COX8C: variants seen among roughly 807,000 people sequenced by gnomAD.
COX8C encodes cytochrome c oxidase subunit 8C, mitochondrial.
Under a neutral mutation model 3.5 loss-of-function variants are expected in COX8C, and 3 were observed. The ratio of observed to expected loss-of-function variants is 0.86; its 90% confidence interval spans 0.39 to 2.24. The LOEUF (loss-of-function observed/expected upper bound fraction) is 2.24, where lower values mean the gene tolerates loss of function less well. COX8C is among the 30% of genes most tolerant of loss of function. The pLI is 0.05. For missense variants in COX8C, 113 were observed against 102.5 expected, an observed-to-expected ratio of 1.10 and a Z score of -0.44; for synonymous variants, 46 against 44.1, an observed-to-expected ratio of 1.04 and a Z score of -0.17.
rs1188361826 is a variant in COX8C, at chr14:93,348,014, ATCT to A, written c.127-10_127-8del. 2.6e-6 allele frequency: 4 copies of A among 1,557,436 alleles called. No individual in the cohort carries two copies. Among genetic ancestry groups the A allele is most frequent in the South Asian group, 1.1e-5 (1 of 89,848 alleles). On this transcript the variant is annotated splice_polypyrimidine_tract_variant and intron_variant, in intron 1 of 1. Coordinates refer to ENST00000342144, the MANE Select transcript of COX8C (RefSeq NM_182971.3). ...GAAGCCATACTCAGCAGCGCGTGTC[ATCT>A]TCTCTTCCAGGAAATGGCTGTTGGA...
chr14:93,347,296 G>T lies in COX8C; in HGVS notation c.28G>T (p.Ala10Ser), dbSNP rs761136486. The T allele has an allele frequency of 3.1e-6, 5 of 1,604,678 alleles. No individual in the cohort carries two copies. The Admixed American group carries it at 8.4e-5, about 27-fold the overall frequency. The change falls in exon 1 of 2, where the codon GCC (alanine) becomes TCC (serine). Residue 10 changes from alanine to serine, a missense_variant. Ala to Ser is a moderately conservative substitution (Grantham distance 99). Coordinates refer to ENST00000342144, the MANE Select transcript of COX8C (RefSeq NM_182971.3). ...GCCTCTCCTGCGTGGGCGCTGTCCTGCCCGCCGCCACTACCGCCGCTTGGC... is the reference window on the plus strand; with the variant it reads ...GCCTCTCCTGCGTGGGCGCTGTCCTTCCCGCCGCCACTACCGCCGCTTGGC... MPLLRGRCP[A>S]RRHYRRLALL... is the part of the protein sequence containing the mutation.
At chr14:93,347,955 G>A in intron 1 of COX8C, 73 bp from the exon 2 acceptor site, 2 of 882,430 alleles carry the variant, frequency 2.3e-6, no homozygotes, top group Non-Finnish European at 3.8e-6. Flanking sequence ...TTTTTTTTAA[G>A]CACTTTTTGT....
chr14:93,347,347 C>G lies in COX8C; in HGVS notation c.79C>G (p.Arg27Gly), dbSNP rs747514899. The G allele has an allele frequency of 6.3e-7, 1 of 1,597,308 alleles. No homozygotes were observed. Among genetic ancestry groups the G allele is most frequent in the South Asian group, 1.1e-5 (1 of 90,446 alleles). ...CCTGCTCGGCCTGCAGCCCGCTCCC[C>G]GCTTCGCCCACTCGGGGCCCCCGCG... ...LALLGLQPAP[R>G]FAHSGPPRQR... Residue 27 changes from arginine (R) to glycine (G), a missense_variant, in exon 1 of 2, where the codon CGC (arginine) becomes GGC (glycine). Transcript: ENST00000342144.
chr14:93,347,944 GT>G lies in COX8C; in HGVS notation c.127-76del, dbSNP rs758579578. The G allele has an allele frequency of 4.5e-5, 37 of 823,008 alleles. No individual in the cohort carries two copies. The East Asian group carries it at 7.1e-4, about 16-fold the overall frequency. 51.0% of individuals were successfully genotyped at this position (823,008 alleles called of 1,614,324 possible). On this transcript the variant is annotated intron_variant, in intron 1 of 1. Coordinates refer to ENST00000342144, the MANE Select transcript of COX8C (RefSeq NM_182971.3). ...GGACAACGGTCTAGGTGCTCAAAAT[GT>G]TTTTTTTAAGCACTTTTTGTTAGGC... is the stretch of plus-strand genomic sequence containing the variant.
At chr14:93,347,995 A>C in intron 1 of COX8C, 33 bp from the exon 2 acceptor site, 1 of 1,340,152 alleles carries the variant, frequency 7.5e-7, no homozygotes, top group Non-Finnish European at 1.1e-6. Flanking sequence ...CTAGGAAGCC[A>C]TACTCAGCAG....
chr14:93,347,202 A>C lies in COX8C; in HGVS notation c.-67A>C. 1 of 1,505,282 alleles carries C rather than the reference A, an allele frequency of 6.6e-7. No homozygotes were observed. The highest frequency in any genetic ancestry group is 1.3e-5 in the South Asian group (1 of 78,658). The allele number at this position is 1,505,282 out of a possible 1,614,324, so 93.2% of individuals were successfully genotyped here. On this transcript the variant is annotated 5_prime_UTR_variant, in exon 1 of 2. Coordinates refer to ENST00000342144, the MANE Select transcript of COX8C (RefSeq NM_182971.3). ...AAACCAGCTGCCTCACGAGCACTGG[A>C]GCTTGCGTTACTTGGCCTCACCTCA... is the stretch of plus-strand genomic sequence containing the variant.
In COX8C at chr14:93,348,011, G is replaced by C. The variant is rs933101217; in HGVS notation, c.127-17G>C. The stretch of plus-strand genomic sequence containing the variant: ...TAGGAAGCCATACTCAGCAGCGCGT[G>C]TCATCTTCTCTTCCAGGAAATGGCT... On this transcript the variant is annotated splice_polypyrimidine_tract_variant and intron_variant, in intron 1 of 1. Coordinates refer to ENST00000342144, the MANE Select transcript of COX8C (RefSeq NM_182971.3). The C allele has an allele frequency of 1.1e-5, 17 of 1,535,478 alleles. No individual in the cohort carries two copies. The highest frequency in any genetic ancestry group is 1.5e-5 in the Non-Finnish European group (17 of 1,108,364).
Position 93,348,028 on chromosome 14 carries a change from G to C in COX8C, c.127G>C (p.Glu43Gln). The change falls in exon 2 of 2, where the codon GAA (glutamate) becomes CAA (glutamine). Residue 43 changes from glutamate (E) to glutamine (Q), a missense_variant and splice_region_variant. Physicochemically the swap from Glu to Gln is conservative, Grantham distance 29. Coordinates refer to ENST00000342144, the MANE Select transcript of COX8C (RefSeq NM_182971.3). ...PPRQRPLSAAEMAVGLVVFFT... is the reference protein window; with the variant it reads ...PPRQRPLSAAQMAVGLVVFFT... ...CAGCGCGTGTCATCTTCTCTTCCAGGAAATGGCTGTTGGACTTGTGGTGTT... is the reference window on the plus strand; with the variant it reads ...CAGCGCGTGTCATCTTCTCTTCCAGCAAATGGCTGTTGGACTTGTGGTGTT... 6.2e-7 allele frequency: 1 copy of C among 1,602,382 alleles called. No homozygotes were observed. The highest frequency in any genetic ancestry group is 2.2e-5 in the East Asian group (1 of 44,808).
intron 1 of COX8C, among the ~76,000 whole-genome samples, chr14:93,347,733 C>A (rs1352128024): frequency 6.6e-6 from 1 of 152,040 alleles, no homozygotes; most frequent in Non-Finnish European, 1.5e-5. Flanking sequence ...CATCCTCGGA[C>A]GTCCTCGGCA....
intron 1 of COX8C, among the ~76,000 whole-genome samples, chr14:93,347,607 G>A (rs902456159): frequency 2.0e-5 from 3 of 152,142 alleles, no homozygotes; most frequent in Non-Finnish European, 2.9e-5. Flanking sequence ...GTCGGGCACA[G>A]GGGCGGAAAG....
intron 1 of COX8C, 49 bp from the exon 2 acceptor site, chr14:93,347,979 A>G (rs921647544): frequency 1.8e-6 from 2 of 1,133,372 alleles, no homozygotes; most frequent in South Asian, 1.2e-5. Flanking sequence ...GCAGCAAGTC[A>G]CTGGCCTAGG....
At position 93,347,926 on chromosome 14, in the gene COX8C, G is replaced by C. The variant is rs963019233; in HGVS notation, c.127-102G>C. 2.5e-5 allele frequency: 18 copies of C among 706,116 alleles called. No homozygotes were observed. The Admixed American group carries it at 2.9e-4, about 11-fold the overall frequency. The allele number at this position is 706,116 out of a possible 1,614,324, so 43.7% of individuals were successfully genotyped here. A position where few individuals can be genotyped will look rare whatever the true frequency, so the allele number is the denominator to read the frequency against. ...ACTAGGCGCCTGTTTCTAGGACAAC[G>C]GTCTAGGTGCTCAAAATGTTTTTTT... On this transcript the variant is annotated intron_variant, in intron 1 of 1. Coordinates refer to ENST00000342144, the MANE Select transcript of COX8C (RefSeq NM_182971.3).
In COX8C at chr14:93,347,321, C is replaced by A. The variant is rs766317592; in HGVS notation, c.53C>A (p.Ala18Asp). The stretch of plus-strand genomic sequence containing the variant: ...GCCCGCCGCCACTACCGCCGCTTGG[C>A]CCTGCTCGGCCTGCAGCCCGCTCCC... ...CPARRHYRRL[A>D]LLGLQPAPRF... The change falls in exon 1 of 2, where the codon GCC becomes GAC. Residue 18 changes from alanine (A) to aspartate (D), a missense_variant. Coordinates refer to ENST00000342144, the MANE Select transcript of COX8C (RefSeq NM_182971.3). The A allele has an allele frequency of 1.4e-5, 22 of 1,603,962 alleles. No individual in the cohort carries two copies. The Admixed American group carries it at 3.5e-4, about 26-fold the overall frequency.
In COX8C at chr14:93,348,047, T is replaced by G; in HGVS notation, c.146T>G (p.Val49Gly). 1 of 1,611,200 alleles carries G rather than the reference T, an allele frequency of 6.2e-7. No individual in the cohort carries two copies. The highest frequency in any genetic ancestry group is 8.5e-7 in the Non-Finnish European group (1 of 1,177,354). Residue 49 changes from valine (V) to glycine (G), a missense_variant, in exon 2 of 2, where the codon GTG becomes GGG. Val to Gly is a moderately radical substitution (Grantham distance 109). Transcript: ENST00000342144. ...LSAAEMAVGL[V>G]VFFTTFLTPA... Reference sequence around the variant, plus strand: ...TTCCAGGAAATGGCTGTTGGACTTGTGGTGTTTTTTACGACCTTCTTAACA... The same window carrying G: ...TTCCAGGAAATGGCTGTTGGACTTGGGGTGTTTTTTACGACCTTCTTAACA...
chr14:93,348,163 TC>T lies in COX8C; in HGVS notation c.*44del. 1 of 1,254,578 alleles carries T rather than the reference TC, an allele frequency of 8.0e-7. No homozygotes were observed. Among genetic ancestry groups the T allele is most frequent in the Non-Finnish European group, 1.2e-6 (1 of 856,146 alleles). The allele number at this position is 1,254,578 out of a possible 1,614,324, so 77.7% of individuals were successfully genotyped here. On this transcript the variant is annotated 3_prime_UTR_variant, in exon 2 of 2. Coordinates refer to ENST00000342144, the MANE Select transcript of COX8C (RefSeq NM_182971.3). Reference sequence around the variant, plus strand: ...ACAGCTGTTAACGTCCAAAAAACTTTCAGAAAAAGCTGTGTTTTTGTTAACG... The same window carrying T: ...ACAGCTGTTAACGTCCAAAAAACTTTAGAAAAAGCTGTGTTTTTGTTAACG...
intron 1 of COX8C, 119 bp downstream of exon 1, chr14:93,347,513 C>T: frequency 8.2e-7 from 1 of 1,217,408 alleles, no homozygotes; most frequent in Non-Finnish European, 1.1e-6. Context: ...GCTCTTGTGG[C>T]TTGGTCGCCG....
In COX8C at chr14:93,347,251, T is replaced by C. The variant is rs769238297; in HGVS notation, c.-18T>C. 6.3e-6 allele frequency: 10 copies of C among 1,590,254 alleles called. No homozygotes were observed. The highest frequency in any genetic ancestry group is 1.1e-5 in the South Asian group (1 of 88,780). On this transcript the variant is annotated 5_prime_UTR_variant, in exon 1 of 2. Coordinates refer to ENST00000342144, the MANE Select transcript of COX8C (RefSeq NM_182971.3). ...CACCTGTGCTGTCCACGCCTGGCTT[T>C]GTCTCACCTGACGCGATATGCCTCT...
chr14:93,347,360 CG>C lies in COX8C; in HGVS notation c.96del (p.Pro34ArgfsTer23). On this transcript the variant is annotated frameshift_variant, in exon 1 of 2. Transcript: ENST00000342144. LOFTEE classifies it low-confidence loss of function (END_TRUNC). The stretch of plus-strand genomic sequence containing the variant: ...CAGCCCGCTCCCCGCTTCGCCCACT[CG>C]GGGCCCCCGCGCCAGCGGCCCCTGT... ...GLQPAPRFAH[S>X]GPPRQRPLSA... 2 of 1,581,944 alleles carry C rather than the reference CG, an allele frequency of 1.3e-6. No homozygotes were observed. Among genetic ancestry groups the C allele is most frequent in the Non-Finnish European group, 1.7e-6 (2 of 1,169,604 alleles).
Position 93,348,166 on chromosome 14 carries a change from GA to G in COX8C, c.*51del. ...GCTGTTAACGTCCAAAAAACTTTCA[GA>G]AAAAGCTGTGTTTTTGTTAACGAGC... On this transcript the variant is annotated 3_prime_UTR_variant, in exon 2 of 2. Transcript: ENST00000342144. The G allele has an allele frequency of 1.6e-6, 2 of 1,217,922 alleles. No homozygotes were observed. Among genetic ancestry groups the G allele is most frequent in the South Asian group, 1.2e-5 (1 of 81,456 alleles). 75.4% of individuals were successfully genotyped at this position (1,217,922 alleles called of 1,614,324 possible).
Sources: allele counts gnomAD v4.1 joint callset (sites outside exome capture counted in the v4.1 genomes callset), GRCh38; gene constraint gnomAD v4.1.1; transcripts MANE v1.5; gene names NCBI Gene and HGNC (gene_info 2026-07-23, HGNC 2026-07-21).